The following LIPA variants were observed in gnomAD, a reference collection of about 807,000 sequenced individuals.
LIPA encodes the protein lipase A, lysosomal acid type.
LIPA carries 26 observed loss-of-function variants against 40.6 expected under a neutral mutation model. The observed-to-expected ratio is 0.64, with a 90% CI of 0.47 to 0.89. LIPA has a LOEUF of 0.89. Among genes scored for constraint, LIPA ranks in the 40% least tolerant of loss-of-function variants. The pLI is 0.00. For missense variants in LIPA, 455 were observed against 479.6 expected (o/e 0.95, Z 0.48); for synonymous variants, 188 against 168.4 (o/e 1.12, Z -0.90).
At chr10:89,336,566 G>A (rs1230671823) in intron 1 of LIPA, among the ~76,000 whole-genome samples, 1 of 152,216 alleles carries the variant, frequency 6.6e-6, no homozygotes, top group African/African-American at 2.4e-5. Flanking sequence ...ATGGTAAATT[G>A]CAAATAAAGT....
chr10:89,414,542 C>T, exon 1 of LIPA: 1 of 445,328 alleles, frequency 2.2e-6, no homozygotes, highest in Non-Finnish European at 3.9e-6. Context: ...CTGAAGCTTA[C>T]GTTTAGTTTC....
chr10:89,260,743 A>G (rs1455359415), intron 1 of LIPA, among the ~76,000 whole-genome samples: 1 of 152,184 alleles, frequency 6.6e-6, no homozygotes, highest in Non-Finnish European at 1.5e-5. Flanking sequence ...GGCTTTACAG[A>G]GCACATACAG....
At chr10:89,243,656 G>A (rs1470102682) in intron 3 of LIPA, among the ~76,000 whole-genome samples, 1 of 151,884 alleles carries the variant, frequency 6.6e-6, no homozygotes, top group East Asian at 1.9e-4. Context: ...GTAGCACCAA[G>A]GTCCCATAAG....
chr10:89,256,050 G>A (rs1432081388), upstream of LIPA, among the ~76,000 whole-genome samples: 1 of 152,208 alleles, frequency 6.6e-6, no homozygotes, highest in Non-Finnish European at 1.5e-5. Flanking sequence ...AGAGGAGCTA[G>A]AAATAGCTGG....
intron 1 of LIPA, among the ~76,000 whole-genome samples, chr10:89,327,171 G>A (rs977949972): frequency 1.3e-5 from 2 of 152,244 alleles, no homozygotes; most frequent in African/African-American, 4.8e-5. Context: ...GGGTCGTGGA[G>A]ACCAAGGTTT....
At chr10:89,387,280 TGTACTCCA>T (rs1335856404) in intron 2 of LIPA, among the ~76,000 whole-genome samples, 1 of 147,122 alleles carries the variant, frequency 6.8e-6, no homozygotes, top group Non-Finnish European at 1.5e-5. Context: ...ATCCCGCCAC[TGTACTCCA>T]GTCTGGGTGA....
At chr10:89,286,853 C>T (rs1589589101) in intron 1 of LIPA, among the ~76,000 whole-genome samples, 1 of 152,196 alleles carries the variant, frequency 6.6e-6, no homozygotes, top group African/African-American at 2.4e-5. Context: ...GTTGCAATTC[C>T]TTGCCTCCAC....
At chr10:89,267,567 T>C (rs1452295627) in intron 1 of LIPA, among the ~76,000 whole-genome samples, 1 of 67,514 alleles carries the variant, frequency 1.5e-5, no homozygotes, top group African/African-American at 6.1e-5. Flanking sequence ...TATCACACTC[T>C]GGGGACTGTG....
chr10:89,302,541 G>C (rs1219593063), intron 1 of LIPA, among the ~76,000 whole-genome samples: 3 of 152,104 alleles, frequency 2.0e-5, no homozygotes, highest in Non-Finnish European at 4.4e-5. Flanking sequence ...TTAACAAAAG[G>C]GTTCTTTTCA....
chr10:89,401,600 C>T (rs944195114), intron 2 of LIPA, among the ~76,000 whole-genome samples: 5 of 151,800 alleles, frequency 3.3e-5, no homozygotes, highest in South Asian at 2.1e-4. Context: ...CATAGGCTTA[C>T]GTGAAAAAAA....
chr10:89,403,031 T>C, intron 2 of LIPA: 2 of 1,614,274 alleles, frequency 1.2e-6, no homozygotes, highest in Non-Finnish European at 1.7e-6. Context: ...CACAGACCTA[T>C]GTCTTTCGAT....
rs145778446 is a variant in LIPA, at chr10:89,270,774, C to T, written c.-1-23125G>A. On this transcript the variant is annotated intron_variant, in intron 1 of 5. Coordinates refer to the LIPA transcript ENST00000282673. ...ACGACCCAACAGATCTGATGGTGCTCGAAGTGTCTGTGACAGATAGGGAGG... is the reference window on the plus strand; with the variant it reads ...ACGACCCAACAGATCTGATGGTGCTTGAAGTGTCTGTGACAGATAGGGAGG... 3.0e-3 allele frequency among the ~76,000 whole-genome samples: 464 copies of T among 152,262 alleles called. 1 individual carries two copies. Among genetic ancestry groups the T allele is most frequent in the African/African-American group, 0.011 (443 of 41,556 alleles).
chr10:89,310,532 A>G (rs1843509849), intron 1 of LIPA, among the ~76,000 whole-genome samples: 1 of 152,204 alleles, frequency 6.6e-6, no homozygotes, highest in African/African-American at 2.4e-5. Context: ...TTAGACTAAT[A>G]TGTAAGAAAT....
At chr10:89,282,406 G>A (rs889452264) in intron 1 of LIPA, among the ~76,000 whole-genome samples, 1 of 152,100 alleles carries the variant, frequency 6.6e-6, no homozygotes, top group African/African-American at 2.4e-5. Context: ...GGGAGGCTGA[G>A]GCAGGCAGAT....
intron 2 of LIPA, among the ~76,000 whole-genome samples, chr10:89,385,906 T>C (rs1292846874): frequency 2.0e-5 from 3 of 152,244 alleles, no homozygotes; most frequent in African/African-American, 7.2e-5. Flanking sequence ...ATTAGTGATA[T>C]TCAAAAACAA....
At chr10:89,284,714 G>A (rs1439709761) in intron 1 of LIPA, among the ~76,000 whole-genome samples, 2 of 152,068 alleles carry the variant, frequency 1.3e-5, no homozygotes, top group African/African-American at 2.4e-5. Flanking sequence ...ACCTGTATAC[G>A]CTATATGTCA....
rs145800126 is a variant in LIPA at position 89,216,686 on chromosome 10, A to G, written c.895-677T>C. Among the ~76,000 whole-genome samples, 420 of 152,336 alleles carry G rather than the reference A, an allele frequency of 2.8e-3. 1 individual carries two copies. The highest frequency in any genetic ancestry group is 9.2e-3 in the African/African-American group (383 of 41,584). ...GATGATTTAAAGCATATGAAAGGAT[A>G]TGCATAGGCTATATGCAAATACTAC... On this transcript the variant is annotated intron_variant, in intron 8 of 9. Transcript: ENST00000336233.
intron 3 of LIPA, among the ~76,000 whole-genome samples, chr10:89,244,977 T>C (rs769974428): frequency 3.5e-4 from 54 of 152,196 alleles, no homozygotes; most frequent in Non-Finnish European, 6.5e-4. Flanking sequence ...GCAATATTTG[T>C]TAACAGAAGA....
intron 2 of LIPA, chr10:89,402,600 G>C (rs753200548): frequency 1.2e-6 from 2 of 1,614,172 alleles, no homozygotes; most frequent in South Asian, 1.1e-5. Flanking sequence ...TTACCACATG[G>C]GCAGACTGGC....
Sources: allele counts gnomAD v4.1 joint callset (sites outside exome capture counted in the v4.1 genomes callset), GRCh38; gene constraint gnomAD v4.1.1; transcripts MANE v1.5; gene names NCBI Gene and HGNC (gene_info 2026-07-23, HGNC 2026-07-21).